The following SUGCT variants were observed in gnomAD, a reference collection of about 807,000 sequenced individuals.
The protein encoded by SUGCT is succinyl-CoA:glutarate CoA-transferase.
In SUGCT, 41 loss-of-function variants were observed where a neutral mutation model predicts 55.0. The ratio of observed to expected loss-of-function variants is 0.74; its 90% CI spans 0.58 to 0.97. SUGCT has a LOEUF of 0.97. Ranked by LOEUF, SUGCT falls within the 50% of genes least tolerant of loss-of-function variation. The probability of loss-of-function intolerance (pLI) is 0.00; values close to 1 mark genes in which losing one functional copy is unlikely to be tolerated. For synonymous variants in SUGCT, 187 were observed against 200.4 expected, an observed-to-expected ratio of 0.93 and a Z score of 0.56; for missense variants, 568 against 547.8, an observed-to-expected ratio of 1.04 and a Z score of -0.37.
At chr7:40,447,042 A>G (rs571225115) in intron 9 of SUGCT, among the ~76,000 whole-genome samples, 1 of 152,336 alleles carries the variant, frequency 6.6e-6, no homozygotes, top group African/African-American at 2.4e-5. Context: ...TGCAACCATC[A>G]GTCAATTTTG....
intron 9 of SUGCT, among the ~76,000 whole-genome samples, chr7:40,358,958 G>A (rs192193807): frequency 1.3e-5 from 2 of 152,218 alleles, no homozygotes; most frequent in East Asian, 3.9e-4. Context: ...AGGTAACTGT[G>A]GGAAATATGA....
intron 12 of SUGCT, among the ~76,000 whole-genome samples, chr7:40,717,441 G>C (rs571141558): frequency 6.6e-6 from 1 of 152,154 alleles, no homozygotes; most frequent in African/African-American, 2.4e-5. Flanking sequence ...TGAACTCCCC[G>C]TGGCCCCACC....
At chr7:40,246,231 G>T (rs1039505052) in intron 7 of SUGCT, among the ~76,000 whole-genome samples, 2 of 150,216 alleles carry the variant, frequency 1.3e-5, no homozygotes, top group African/African-American at 2.4e-5. Context: ...ACTTCTTTAA[G>T]TAGAACCATA....
intron 13 of SUGCT, among the ~76,000 whole-genome samples, chr7:40,853,446 C>A (rs1793957327): frequency 1.3e-5 from 2 of 152,064 alleles, no homozygotes; most frequent in Admixed American, 6.5e-5. Context: ...CTCACTGCAA[C>A]CTCCGCCTCC....
chr7:40,535,675 G>A (rs1015438972), intron 12 of SUGCT, among the ~76,000 whole-genome samples: 7 of 152,164 alleles, frequency 4.6e-5, no homozygotes, highest in Admixed American at 2.0e-4. Context: ...GGAATACTAT[G>A]CAGCCATAAG....
intron 13 of SUGCT, chr7:40,775,804 A>G (rs1472508889): frequency 6.6e-6 from 1 of 152,248 alleles, no homozygotes; most frequent in East Asian, 1.9e-4. Context: ...AGCAGCAGCA[A>G]CATAAAATCA....
intron 13 of SUGCT, among the ~76,000 whole-genome samples, chr7:40,758,863 C>T (rs1226122782): frequency 1.8e-4 from 28 of 151,974 alleles, no homozygotes; most frequent in Admixed American, 1.8e-3. Flanking sequence ...GAGTGGGTTG[C>T]CAATTAGTCT....
At chr7:40,428,065 T>C (rs1317189775) in intron 9 of SUGCT, among the ~76,000 whole-genome samples, 1 of 152,200 alleles carries the variant, frequency 6.6e-6, no homozygotes, top group African/African-American at 2.4e-5. Context: ...CAGTGCTTGT[T>C]TCATATATTT....
the SUGCT span, among the ~76,000 whole-genome samples, chr7:40,925,220 A>G: frequency 2.0e-4 from 30 of 152,352 alleles, no homozygotes; most frequent in African/African-American, 6.0e-4. Context: ...AGAATTTTCT[A>G]TACTTTCTGA....
chr7:40,666,088 C>T (rs761923897), intron 12 of SUGCT, among the ~76,000 whole-genome samples: 3 of 151,792 alleles, frequency 2.0e-5, no homozygotes, highest in African/African-American at 4.8e-5. Flanking sequence ...GGGCTGGGTG[C>T]GGTGGCTCAT....
intron 8 of SUGCT, among the ~76,000 whole-genome samples, chr7:40,287,848 TACTG>T (rs1481468306): frequency 3.3e-5 from 5 of 152,182 alleles, no homozygotes; most frequent in Admixed American, 2.6e-4. Context: ...GTTCCTAGTT[TACTG>T]ACTGTTTTTA....
intron 1 of SUGCT, among the ~76,000 whole-genome samples, chr7:40,177,297 A>T (rs1340226846): frequency 1.3e-5 from 2 of 152,064 alleles, no homozygotes; most frequent in East Asian, 3.9e-4. Flanking sequence ...TGTTCTGATA[A>T]GGCACTAGCT....
intron 1 of SUGCT, among the ~76,000 whole-genome samples, chr7:40,168,813 T>C (rs1288115465): frequency 6.7e-6 from 1 of 149,786 alleles, no homozygotes; most frequent in African/African-American, 2.5e-5. Context: ...TGCCGAGTAC[T>C]GGGGCTTGGT....
At chr7:40,989,183 T>C in the SUGCT span, among the ~76,000 whole-genome samples, 1 of 152,156 alleles carries the variant, frequency 6.6e-6, no homozygotes, top group Non-Finnish European at 1.5e-5. Context: ...ATGATGACAA[T>C]GAATTTTGCT....
chr7:40,207,926 G>A (rs1327252125), intron 6 of SUGCT, among the ~76,000 whole-genome samples: 1 of 152,192 alleles, frequency 6.6e-6, no homozygotes, highest in East Asian at 1.9e-4. Flanking sequence ...ATTATTCACA[G>A]TAGCTAAAAC....
the SUGCT span, among the ~76,000 whole-genome samples, chr7:41,031,162 A>G: frequency 6.6e-6 from 1 of 151,606 alleles, no homozygotes; most frequent in Admixed American, 6.6e-5. Context: ...GGGCCTCACT[A>G]TGTTACCCAG....
intron 12 of SUGCT, among the ~76,000 whole-genome samples, chr7:40,573,631 C>G (rs1796570201): frequency 6.6e-6 from 1 of 152,202 alleles, no homozygotes; most frequent in Non-Finnish European, 1.5e-5. Flanking sequence ...CTTCACTGGT[C>G]TCTTTTAATT....
At chr7:40,798,418 A>T (rs1156987113) in intron 13 of SUGCT, among the ~76,000 whole-genome samples, 1 of 152,184 alleles carries the variant, frequency 6.6e-6, no homozygotes, top group Admixed American at 6.5e-5. Flanking sequence ...TACTTTTTAA[A>T]AGGGAAAATA....
intron 6 of SUGCT, among the ~76,000 whole-genome samples, chr7:40,222,995 TTC>T (rs1562589561): frequency 0.25 from 32,209 of 129,844 alleles, 3,880 homozygotes; most frequent in South Asian, 0.33. Flanking sequence ...CTTTCCTTCC[TTC>T]CTTCCTTCCT....
Sources: allele counts gnomAD v4.1 joint callset (sites outside exome capture counted in the v4.1 genomes callset), GRCh38; gene constraint gnomAD v4.1.1; transcripts MANE v1.5; gene names NCBI Gene and HGNC (gene_info 2026-07-23, HGNC 2026-07-21).